The following NOCT variants were observed in gnomAD, a reference collection of about 807,000 sequenced individuals.
NOCT encodes the protein nocturnin.
Under a neutral mutation model 35.0 loss-of-function variants are expected in NOCT, and 18 were observed. That is an observed-to-expected ratio of 0.51 (90% CI 0.36 to 0.76). The LOEUF is 0.76. Ranked by LOEUF, NOCT falls within the 30% of genes least tolerant of loss-of-function variation. The pLI is 0.01. For missense variants in NOCT, 479 were observed against 541.0 expected (o/e 0.89, Z 1.14); for synonymous variants, 235 against 226.3 (o/e 1.04, Z -0.34).
rs890342129 is a variant in NOCT, at chr4:139,016,164, C to T, written c.183C>T (p.Ser61=). The T allele has an allele frequency of 1.6e-6, 2 of 1,263,452 alleles. No individual in the cohort carries two copies. The highest frequency in any genetic ancestry group is 1.6e-5 in the African/African-American group (1 of 64,426). The allele number at this position is 1,263,452 out of a possible 1,614,324, so 78.3% of individuals were successfully genotyped here. A position where few individuals can be genotyped will look rare whatever the true frequency, so the allele number is the denominator to read the frequency against. ...SAASGAARSC[S]RTVCSMGTGT... ...CCTCGGGCGCCGCGAGGTCGTGTTC[C>T]CGAACAGGTGAGTGCACCCCAGTTC... is the stretch of plus-strand genomic sequence containing the variant. The change falls in exon 1 of 3, where the codon TCC becomes TCT. Residue 61 remains serine, a synonymous_variant. Transcript: ENST00000280614.
At chr4:139,016,612 GATA>G (rs1023051396) in intron 1 of NOCT, among the ~76,000 whole-genome samples, 2 of 132,856 alleles carry the variant, frequency 1.5e-5, no homozygotes, top group African/African-American at 5.6e-5. Flanking sequence ...TTTAAGTCGT[GATA>G]ATAACACATT....
intron 2 of NOCT, chr4:139,043,702 G>A (rs1276640487): frequency 6.0e-6 from 1 of 168,056 alleles, no homozygotes; most frequent in African/African-American, 2.4e-5. Context: ...GATCACCTGT[G>A]GTCAGGAGTT....
chr4:139,020,005 T>G (rs1726379529), intron 1 of NOCT, among the ~76,000 whole-genome samples: 1 of 152,246 alleles, frequency 6.6e-6, no homozygotes, highest in South Asian at 2.1e-4. Context: ...TTTAACTATG[T>G]GAGTAAACTG....
Position 139,045,376 on chromosome 4 carries a change from A to G in NOCT, c.1198A>G (p.Ile400Val), listed in dbSNP as rs778300044. Residue 400 changes from isoleucine (I) to valine (V), a missense_variant, in exon 3 of 3, where the codon ATT becomes GTT. Ile to Val is a conservative substitution (Grantham distance 29). Transcript: ENST00000280614. ...TCTCGATCTGCTCACTGAAGAACAG[A>G]TTGGACCCAACAGGTTACCTTCCTT... The part of the protein sequence containing the change: ...SALDLLTEEQ[I>V]GPNRLPSFNY... 1.4e-5 allele frequency: 23 copies of G among 1,614,090 alleles called. No individual in the cohort carries two copies. The highest frequency in any genetic ancestry group is 1.5e-5 in the Non-Finnish European group (18 of 1,179,986).
chr4:139,028,767 G>A (rs1232252821), intron 1 of NOCT, among the ~76,000 whole-genome samples: 1 of 152,118 alleles, frequency 6.6e-6, no homozygotes, highest in Admixed American at 6.6e-5. Flanking sequence ...ACCAGATTTG[G>A]GACAGAATAA....
Position 139,015,804 on chromosome 4 carries a change from T to A in NOCT, c.-178T>A. The stretch of plus-strand genomic sequence containing the variant: ...GCAGACGGTGCCGACGCAGCGGTGT[T>A]GCACCTCCCTCTCCGGCTCTGCTGC... On this transcript the variant is annotated 5_prime_UTR_variant, in exon 1 of 3. Coordinates refer to ENST00000280614, the MANE Select transcript of NOCT (RefSeq NM_012118.4). 2.4e-6 allele frequency: 1 copy of A among 420,386 alleles called. No homozygotes were observed. The highest frequency in any genetic ancestry group is 1.1e-4 in the South Asian group (1 of 9,320). 26.0% of individuals were successfully genotyped at this position (420,386 alleles called of 1,614,324 possible).
At chr4:139,033,891 T>G (rs1451778137) in intron 1 of NOCT, among the ~76,000 whole-genome samples, 1 of 152,004 alleles carries the variant, frequency 6.6e-6, no homozygotes, top group African/African-American at 2.4e-5. Context: ...TAATTTTTTC[T>G]TTTTTTAATT....
At chr4:139,035,070 T>G (rs1317889487) in intron 1 of NOCT, among the ~76,000 whole-genome samples, 2 of 152,148 alleles carry the variant, frequency 1.3e-5, no homozygotes, top group Non-Finnish European at 2.9e-5. Flanking sequence ...TGTCAAGTCT[T>G]CCTAACCACT....
intron 1 of NOCT, among the ~76,000 whole-genome samples, chr4:139,040,790 G>A (rs1013595672): frequency 1.3e-5 from 2 of 152,010 alleles, no homozygotes; most frequent in African/African-American, 4.8e-5. Context: ...CCTGGGACAC[G>A]TTAGCTCACA....
intron 1 of NOCT, among the ~76,000 whole-genome samples, chr4:139,017,782 G>A (rs1031078956): frequency 2.0e-5 from 3 of 151,876 alleles, no homozygotes; most frequent in African/African-American, 4.8e-5. Flanking sequence ...GGTGACAAGA[G>A]TAAAACTCCG....
intron 2 of NOCT, among the ~76,000 whole-genome samples, chr4:139,044,132 ATT>A (rs11400088): frequency 6.8e-6 from 1 of 147,428 alleles, no homozygotes; most frequent in Non-Finnish European, 1.5e-5. Flanking sequence ...CAAGGGCCTG[ATT>A]TTTTTTTTTC....
At chr4:139,040,492 A>G (rs1726816939) in intron 1 of NOCT, among the ~76,000 whole-genome samples, 1 of 152,116 alleles carries the variant, frequency 6.6e-6, no homozygotes, top group South Asian at 2.1e-4. Context: ...TTTTAGAAGG[A>G]AGTGTGGTTC....
chr4:139,023,305 C>G (rs1193398886), intron 1 of NOCT, among the ~76,000 whole-genome samples: 1 of 152,096 alleles, frequency 6.6e-6, no homozygotes, highest in Non-Finnish European at 1.5e-5. Flanking sequence ...AATATCTTGT[C>G]TAGTACAGGG....
intron 1 of NOCT, among the ~76,000 whole-genome samples, chr4:139,041,637 G>A (rs1248131075): frequency 6.6e-6 from 1 of 152,194 alleles, no homozygotes; most frequent in East Asian, 1.9e-4. Context: ...AAATTAACTC[G>A]GGAAGACAAA....
At chr4:139,040,905 G>T (rs1319733330) in intron 1 of NOCT, among the ~76,000 whole-genome samples, 2 of 149,958 alleles carry the variant, frequency 1.3e-5, no homozygotes. Context: ...CCTACAGGAA[G>T]TAAAAAAAAA....
chr4:139,022,171 T>C (rs774238940), intron 1 of NOCT, among the ~76,000 whole-genome samples: 44 of 152,350 alleles, frequency 2.9e-4, no homozygotes, highest in Non-Finnish European at 4.0e-4. Context: ...ATAGTAAACC[T>C]GTTTGGACTT....
In NOCT at chr4:139,015,937, C is replaced by T; in HGVS notation, c.-45C>T. ...GGTGCCCTCGGCCCCAGCCGGGCTC[C>T]GCTCCTCGGGCGCGCGAGGGGCCGT... On this transcript the variant is annotated 5_prime_UTR_variant, in exon 1 of 3. Transcript: ENST00000280614. 3 of 1,295,102 alleles carry T rather than the reference C, an allele frequency of 2.3e-6. No homozygotes were observed. The highest frequency in any genetic ancestry group is 2.9e-6 in the Non-Finnish European group (3 of 1,022,712). 80.2% of individuals were successfully genotyped at this position (1,295,102 alleles called of 1,614,324 possible). A position where few individuals can be genotyped will look rare whatever the true frequency, so the allele number is the denominator to read the frequency against.
intron 2 of NOCT, 26 bp downstream of exon 2, chr4:139,043,369 GC>G (rs1726873038): frequency 6.2e-7 from 1 of 1,604,544 alleles, no homozygotes; most frequent in South Asian, 1.1e-5. Flanking sequence ...TTGTGCCTCT[GC>G]AGTCAAGTTT....
intron 1 of NOCT, among the ~76,000 whole-genome samples, chr4:139,018,125 T>C (rs1372210685): frequency 6.7e-6 from 1 of 149,694 alleles, no homozygotes; most frequent in Non-Finnish European, 1.5e-5. Flanking sequence ...TGTGGTACAT[T>C]GTGAAATAAC....
Sources: gnomAD v4.1 joint callset for allele counts (sites outside exome capture counted in the v4.1 genomes callset) on GRCh38, gnomAD v4.1.1 for gene constraint, MANE v1.5 for transcripts, NCBI Gene and HGNC (gene_info 2026-07-23, HGNC 2026-07-21) for gene names.